Variants in NCKAP5 observed in about 807,000 individuals in gnomAD.
The protein encoded by NCKAP5 is nck-associated protein 5.
In NCKAP5, 92 loss-of-function variants were observed where a neutral mutation model predicts 167.0. That is an observed-to-expected ratio of 0.55 (90% CI 0.47 to 0.66). NCKAP5 has a LOEUF of 0.66. Among genes scored for constraint, NCKAP5 ranks in the 30% least tolerant of loss-of-function variants. The probability of loss-of-function intolerance (pLI) is 0.00; values close to 1 mark genes in which losing one functional copy is unlikely to be tolerated. For missense variants in NCKAP5, 2,378 were observed against 2,315.0 expected, an observed-to-expected ratio of 1.03 and a Z score of -0.56; for synonymous variants, 891 against 877.4, an observed-to-expected ratio of 1.02 and a Z score of -0.27.
chr2:133,450,002 A>ACAAGGCCTT (rs149049947), intron 3 of NCKAP5, among the ~76,000 whole-genome samples: 2,394 of 152,202 alleles, frequency 0.016, 48 homozygotes, highest in East Asian at 0.066. Flanking sequence ...GTCCATGATC[A>ACAAGGCCTT]GTTGCACAAG....
intron 3 of NCKAP5, among the ~76,000 whole-genome samples, chr2:133,428,424 T>C (rs1287206653): frequency 6.6e-6 from 1 of 152,164 alleles, no homozygotes; most frequent in Non-Finnish European, 1.5e-5. Context: ...ATTTGCTTTG[T>C]AGGTGGAAGA....
intron 15 of NCKAP5, among the ~76,000 whole-genome samples, chr2:132,780,212 C>T (rs530488715): frequency 1.3e-5 from 2 of 152,172 alleles, no homozygotes; most frequent in African/African-American, 4.8e-5. Context: ...AGTGCAGTGG[C>T]ACAATCTCGG....
chr2:133,013,101 T>G (rs2042353092), intron 6 of NCKAP5, among the ~76,000 whole-genome samples: 2 of 152,214 alleles, frequency 1.3e-5, no homozygotes, highest in Admixed American at 1.3e-4. Flanking sequence ...ATTCAGGAAC[T>G]GTTAATAAGG....
At chr2:133,237,403 T>TA (rs2087474184) in intron 4 of NCKAP5, among the ~76,000 whole-genome samples, 1 of 152,152 alleles carries the variant, frequency 6.6e-6, no homozygotes, top group African/African-American at 2.4e-5. Context: ...TAAGTGACAT[T>TA]AAAAAAGGCT....
At chr2:133,260,645 G>A (rs918461687) in intron 4 of NCKAP5, among the ~76,000 whole-genome samples, 3 of 152,150 alleles carry the variant, frequency 2.0e-5, no homozygotes, top group African/African-American at 2.4e-5. Context: ...ACAGTGGAGC[G>A]AGTGACAGCT....
the NCKAP5 span, among the ~76,000 whole-genome samples, chr2:133,598,906 T>G: frequency 6.6e-6 from 1 of 152,212 alleles, no homozygotes; most frequent in African/African-American, 2.4e-5. Flanking sequence ...CCCAGCCCCA[T>G]CCTAGCTTCT....
chr2:132,845,986 C>T lies in NCKAP5; in HGVS notation c.807+14506G>A, dbSNP rs185938980. On this transcript the variant is annotated intron_variant, in intron 11 of 19. Coordinates refer to ENST00000409261, the MANE Select transcript of NCKAP5 (RefSeq NM_207363.3). ...TCCTGTTTCATTCATTTAGATCTTA[C>T]ATATTTCTTATTAGGTTTATTGCTA... Among the ~76,000 whole-genome samples the T allele has an allele frequency of 3.0e-3, 461 of 152,166 alleles. 3 individuals carry two copies. Among genetic ancestry groups the T allele is most frequent in the Middle Eastern group, 0.01 (3 of 294 alleles).
chr2:133,573,791 C>T, the NCKAP5 span, among the ~76,000 whole-genome samples: 120 of 152,270 alleles, frequency 7.9e-4, 1 homozygote, highest in Non-Finnish European at 2.4e-4. Context: ...GAACGGGTGT[C>T]GGGAGCCGTA....
At chr2:133,514,066 A>G (rs1683756309) in intron 3 of NCKAP5, among the ~76,000 whole-genome samples, 1 of 152,168 alleles carries the variant, frequency 6.6e-6, no homozygotes, top group East Asian at 1.9e-4. Flanking sequence ...TGGGTCAAGA[A>G]GAGGACTCGA....
chr2:133,270,646 T>G (rs1478536199), intron 4 of NCKAP5, among the ~76,000 whole-genome samples: 3 of 152,204 alleles, frequency 2.0e-5, no homozygotes, highest in South Asian at 2.1e-4. Flanking sequence ...CTCTCCTTTC[T>G]GCGTGGCAGA....
intron 3 of NCKAP5, among the ~76,000 whole-genome samples, chr2:133,481,561 T>C (rs1420526221): frequency 6.6e-6 from 1 of 152,196 alleles, no homozygotes; most frequent in East Asian, 1.9e-4. Context: ...TTAGTTATTT[T>C]TTCCTGATCC....
intron 8 of NCKAP5, among the ~76,000 whole-genome samples, chr2:132,960,578 C>T (rs919875262): frequency 3.9e-5 from 6 of 152,054 alleles, no homozygotes; most frequent in South Asian, 2.1e-4. Flanking sequence ...GAGGTTGGTG[C>T]GTGGAGAAGA....
chr2:133,152,577 A>G (rs76020645), intron 5 of NCKAP5, among the ~76,000 whole-genome samples: 2,684 of 152,286 alleles, frequency 0.018, 86 homozygotes, highest in African/African-American at 0.061. Context: ...CAGGCGTGAT[A>G]CATCCTGCAA....
At chr2:132,744,968 A>G (rs1033120977) in intron 16 of NCKAP5, among the ~76,000 whole-genome samples, 8 of 151,892 alleles carry the variant, frequency 5.3e-5, no homozygotes, top group Non-Finnish European at 1.0e-4. Context: ...TTTGGAATTA[A>G]AAATATTTTC....
intron 4 of NCKAP5, among the ~76,000 whole-genome samples, chr2:133,232,947 T>C (rs1017117293): frequency 2.6e-5 from 4 of 152,318 alleles, no homozygotes; most frequent in African/African-American, 9.6e-5. Context: ...GTTTTCAAAG[T>C]AATAACAATT....
the NCKAP5 span, among the ~76,000 whole-genome samples, chr2:133,607,810 C>T: frequency 3.9e-5 from 6 of 152,206 alleles, no homozygotes; most frequent in African/African-American, 1.4e-4. Context: ...TCACCACTGA[C>T]ATTCCTATCC....
At chr2:132,754,154 C>G (rs1680342228) in intron 16 of NCKAP5, among the ~76,000 whole-genome samples, 1 of 152,120 alleles carries the variant, frequency 6.6e-6, no homozygotes, top group African/African-American at 2.4e-5. Context: ...TTTTATTTTG[C>G]AAATTATGTA....
intron 3 of NCKAP5, among the ~76,000 whole-genome samples, chr2:133,332,656 G>A (rs1682937254): frequency 1.3e-5 from 2 of 152,140 alleles, no homozygotes; most frequent in Non-Finnish European, 2.9e-5. Context: ...AGGATTCTGA[G>A]ATTAATGATA....
At chr2:132,695,719 CA>C (rs1687242249) in intron 19 of NCKAP5, among the ~76,000 whole-genome samples, 1 of 152,116 alleles carries the variant, frequency 6.6e-6, no homozygotes, top group African/African-American at 2.4e-5. Flanking sequence ...AAACAGGATC[CA>C]AGGATACTTT....
Sources: allele counts gnomAD v4.1 joint callset (sites outside exome capture counted in the v4.1 genomes callset), GRCh38; gene constraint gnomAD v4.1.1; transcripts MANE v1.5; gene names NCBI Gene and HGNC (gene_info 2026-07-23, HGNC 2026-07-21).